Variants in AFF1 observed in about 807,000 individuals in gnomAD.
AFF1 encodes the protein ALF transcription elongation factor 1.
Under a neutral mutation model 121.7 loss-of-function variants are expected in AFF1, and 48 were observed. That is an observed-to-expected ratio of 0.39 (90% CI 0.31 to 0.50). The LOEUF (loss-of-function observed/expected upper bound fraction) is 0.50, where lower values mean the gene tolerates loss of function less well. Among genes scored for constraint, AFF1 ranks in the 20% least tolerant of loss-of-function variants. The probability of loss-of-function intolerance (pLI) is 0.76; values close to 1 mark genes in which losing one functional copy is unlikely to be tolerated. For missense variants in AFF1, 1,523 were observed against 1,511.7 expected (o/e 1.01, Z -0.12); for synonymous variants, 613 against 563.0 (o/e 1.09, Z -1.26).
At chr4:86,945,785 C>T (rs1720818343) in intron 1 of AFF1, among the ~76,000 whole-genome samples, 1 of 152,034 alleles carries the variant, frequency 6.6e-6, no homozygotes, top group Non-Finnish European at 1.5e-5. Flanking sequence ...AGCCACCATG[C>T]TTGGCCCATG....
In AFF1 at chr4:87,135,573, T is replaced by G. The variant is rs536133030; in HGVS notation, c.3536-7T>G. On this transcript the variant is annotated splice_region_variant and splice_polypyrimidine_tract_variant and intron_variant, in intron 20 of 20. Coordinates refer to ENST00000395146, the MANE Select transcript of AFF1 (RefSeq NM_001166693.3). ...CTTGTTTTTGTTTTGTTTTGTTTTT[T>G]TTGCAGAATTCTTTGCTCGGCTCAG... 87 of 1,547,618 alleles carry G rather than the reference T, an allele frequency of 5.6e-5. No homozygotes were observed. In the African/African-American group the frequency reaches 8.7e-4, roughly 15 times the overall value.
At chr4:87,012,547 C>T (rs1224701389) in intron 2 of AFF1, among the ~76,000 whole-genome samples, 1 of 152,080 alleles carries the variant, frequency 6.6e-6, no homozygotes, top group African/African-American at 2.4e-5. Flanking sequence ...ATCGTTTTTA[C>T]TTAAATGTAA....
At chr4:87,068,201 C>T (rs1242568935) in intron 4 of AFF1, among the ~76,000 whole-genome samples, 6 of 148,444 alleles carry the variant, frequency 4.0e-5, no homozygotes, top group South Asian at 2.1e-4. Flanking sequence ...GATGTGTGCA[C>T]GTGTGTATTG....
intron 2 of AFF1, among the ~76,000 whole-genome samples, chr4:86,971,954 AAGTG>A (rs2149480623): frequency 6.6e-6 from 1 of 152,118 alleles, no homozygotes; most frequent in East Asian, 1.9e-4. Flanking sequence ...CTGGGCAACA[AAGTG>A]AGACTCCATC....
intron 11 of AFF1, among the ~76,000 whole-genome samples, chr4:87,114,049 CAAAAT>C (rs1726824152): frequency 6.6e-6 from 1 of 152,144 alleles, no homozygotes; most frequent in Non-Finnish European, 1.5e-5. Flanking sequence ...GTTCACAAAA[CAAAAT>C]GTGTCAATTC....
intron 2 of AFF1, among the ~76,000 whole-genome samples, chr4:87,029,022 G>A (rs1394078397): frequency 6.6e-6 from 1 of 152,170 alleles, no homozygotes; most frequent in Non-Finnish European, 1.5e-5. Context: ...GGGTGAGTGA[G>A]TGTCCTCCCA....
chr4:86,976,478 A>G (rs755359909), intron 2 of AFF1, among the ~76,000 whole-genome samples: 7 of 152,202 alleles, frequency 4.6e-5, no homozygotes, highest in Admixed American at 2.0e-4. Flanking sequence ...ATCAATGTGC[A>G]TGGAGCTGGA....
chr4:87,042,835 G>T (rs1730292879), intron 2 of AFF1, among the ~76,000 whole-genome samples: 2 of 152,190 alleles, frequency 1.3e-5, no homozygotes, highest in South Asian at 4.1e-4. Flanking sequence ...TGGCTTAATT[G>T]TGTTCTTCTG....
intron 13 of AFF1, among the ~76,000 whole-genome samples, chr4:87,125,791 CTCG>C (rs2149790653): frequency 6.6e-6 from 1 of 152,302 alleles, no homozygotes; most frequent in South Asian, 2.1e-4. Flanking sequence ...TGTGTGTCCA[CTCG>C]TCTTCTTGTC....
chr4:87,004,178 T>G (rs1035400133), intron 2 of AFF1, among the ~76,000 whole-genome samples: 2 of 152,194 alleles, frequency 1.3e-5, no homozygotes, highest in African/African-American at 4.8e-5. Context: ...AAACTGAATC[T>G]AGGTGCTAAG....
In AFF1 at chr4:86,994,799, T is replaced by C. The variant is rs529711150; in HGVS notation, c.38+46228T>C. ...AAGGGGCATTCTAATGAAGAGAAAA[T>C]ACTGTCTGCAAAGGTTGGTGGCATT... On this transcript the variant is annotated intron_variant, in intron 2 of 20. Coordinates refer to ENST00000395146, the MANE Select transcript of AFF1 (RefSeq NM_001166693.3). Among the ~76,000 whole-genome samples the C allele has an allele frequency of 1.3e-3, 191 of 152,142 alleles. 10 individuals carry two copies. In the South Asian group the frequency reaches 0.037, roughly 30 times the overall value.
At position 87,117,767 on chromosome 4, in the gene AFF1, G is replaced by A. The variant is rs145419353; in HGVS notation, c.2466+2468G>A. On this transcript the variant is annotated intron_variant, in intron 12 of 20. Transcript: ENST00000395146. ...TTTCTTCGTCAGAGAATCATGTGTC[G>A]TTTGGTTTAACTTCCTGCTGGATTC... Among the ~76,000 whole-genome samples, 1,019 of 152,300 alleles carry A rather than the reference G, an allele frequency of 6.7e-3. 14 individuals are homozygous for A. The highest frequency in any genetic ancestry group is 0.023 in the African/African-American group (967 of 41,560).
chr4:87,122,494 C>T (rs1213214312), intron 12 of AFF1, among the ~76,000 whole-genome samples: 1 of 152,156 alleles, frequency 6.6e-6, no homozygotes, highest in Non-Finnish European at 1.5e-5. Context: ...AAATTGTGCT[C>T]CAGGATCTGC....
At position 87,091,820 on chromosome 4, in the gene AFF1, CA is replaced by C; in HGVS notation, c.1223del (p.Asn408ThrfsTer98). 1.9e-6 allele frequency: 3 copies of C among 1,557,956 alleles called. No homozygotes were observed. The highest frequency in any genetic ancestry group is 2.6e-6 in the Non-Finnish European group (3 of 1,153,430). On this transcript the variant is annotated frameshift_variant, in exon 7 of 21. Coordinates refer to ENST00000395146, the MANE Select transcript of AFF1 (RefSeq NM_001166693.3). LOFTEE classifies it high-confidence loss of function. ...KDSQHVSSVT[Q>X]NQKQYDTSSK... ...CTCTCAGCATGTCAGTTCTGTAACC[CA>C]AAACCAAAGTAAGTAAATTTGAAAC...
At chr4:86,984,966 A>G (rs886287405) in intron 2 of AFF1, among the ~76,000 whole-genome samples, 3 of 151,522 alleles carry the variant, frequency 2.0e-5, no homozygotes, top group African/African-American at 7.3e-5. Context: ...TTCTCAGCAA[A>G]CATGTTTAGT....
chr4:87,060,364 T>G (rs1389670157), intron 4 of AFF1, among the ~76,000 whole-genome samples: 1 of 152,244 alleles, frequency 6.6e-6, no homozygotes. Context: ...CATGTGTGTG[T>G]GTATATATAC....
At chr4:86,981,448 A>G (rs561752327) in intron 2 of AFF1, among the ~76,000 whole-genome samples, 1 of 151,802 alleles carries the variant, frequency 6.6e-6, no homozygotes, top group Admixed American at 6.6e-5. Context: ...GCTCACTGTG[A>G]TCTCCACTTC....
In AFF1 at chr4:87,028,194, G is replaced by A. The variant is rs2149576549; in HGVS notation, c.39-17972G>A. Among the ~76,000 whole-genome samples the A allele has an allele frequency of 1.3e-5, 2 of 152,048 alleles. 1 individual carries two copies. The highest frequency in any genetic ancestry group is 4.2e-4 in the South Asian group (2 of 4,808). On this transcript the variant is annotated intron_variant, in intron 2 of 20. Transcript: ENST00000395146. The stretch of plus-strand genomic sequence containing the variant: ...TGCATTACCATATATTCATCTCTTT[G>A]TTGCTGTGTCCATCCATTAATGTAT...
At chr4:86,996,534 G>C (rs927710404) in intron 2 of AFF1, among the ~76,000 whole-genome samples, 11 of 150,580 alleles carry the variant, frequency 7.3e-5, no homozygotes, top group East Asian at 3.9e-4. Flanking sequence ...CAGCATGCTC[G>C]TTAAGAGTCA....
Sources: allele counts gnomAD v4.1 joint callset (sites outside exome capture counted in the v4.1 genomes callset), GRCh38; gene constraint gnomAD v4.1.1; transcripts MANE v1.5; gene names NCBI Gene and HGNC (gene_info 2026-07-23, HGNC 2026-07-21).